Variants in ARFGEF3 observed in about 807,000 individuals in gnomAD.
ARFGEF3 encodes the protein brefeldin A-inhibited guanine nucleotide-exchange protein 3.
A neutral mutation model predicts 221.7 loss-of-function variants in ARFGEF3; 96 were observed. The ratio of observed to expected loss-of-function variants is 0.43; its 90% CI spans 0.37 to 0.51. The LOEUF (loss-of-function observed/expected upper bound fraction) is 0.51, where lower values mean the gene tolerates loss of function less well. Ranked by LOEUF, ARFGEF3 falls within the 20% of genes least tolerant of loss-of-function variation. The probability of loss-of-function intolerance (pLI) is 0.00; values close to 1 mark genes in which losing one functional copy is unlikely to be tolerated. For synonymous variants in ARFGEF3, 1,145 were observed against 1,126.8 expected (o/e 1.02, Z -0.32); for missense variants, 2,410 against 2,789.9 (o/e 0.86, Z 3.07).
intron 14 of ARFGEF3, among the ~76,000 whole-genome samples, chr6:138,284,212 T>C (rs1779245709): frequency 6.6e-6 from 1 of 151,960 alleles, no homozygotes; most frequent in Non-Finnish European, 1.5e-5. Flanking sequence ...GGCTGAGGTA[T>C]GAGAATCGCT....
chr6:138,328,076 C>A lies in ARFGEF3; in HGVS notation c.5057C>A (p.Ala1686Asp). Residue 1686 changes from alanine (A) to aspartate (D), a missense_variant, in exon 32 of 34, where the codon GCT becomes GAT. Ala to Asp is a moderately radical substitution (Grantham distance 126). Coordinates refer to ENST00000251691, the MANE Select transcript of ARFGEF3 (RefSeq NM_020340.5). The part of the protein sequence containing the change: ...SPKTPNNFDH[A>D]QSCQLIIELP... ...AAGACACCAAACAACTTTGACCACG[C>A]TCAGTCCTGCCAGCTCATTATTGAG... 1.3e-6 allele frequency: 2 copies of A among 1,567,516 alleles called. No individual in the cohort carries two copies. The highest frequency in any genetic ancestry group is 1.7e-6 in the Non-Finnish European group (2 of 1,154,826).
intron 12 of ARFGEF3, among the ~76,000 whole-genome samples, chr6:138,273,156 A>T (rs1434668117): frequency 6.6e-6 from 1 of 152,234 alleles, no homozygotes; most frequent in Non-Finnish European, 1.5e-5. Flanking sequence ...TTTCATACAC[A>T]CAAGGAAGTG....
intron 26 of ARFGEF3, 63 bp from the exon 27 acceptor site, chr6:138,317,188 T>C (rs2114674099): frequency 6.4e-7 from 1 of 1,573,640 alleles, no homozygotes; most frequent in African/African-American, 1.4e-5. Flanking sequence ...TTTAATTGGA[T>C]CTTGAGATGA....
At chr6:138,245,703 T>A in intron 8 of ARFGEF3, 112 bp downstream of exon 8, 1 of 829,038 alleles carries the variant, frequency 1.2e-6, no homozygotes, top group Non-Finnish European at 2.0e-6. Context: ...GGACAATAGT[T>A]TCCCCCCTCC....
chr6:138,303,890 A>G (rs1288433913), intron 22 of ARFGEF3, among the ~76,000 whole-genome samples: 1 of 143,946 alleles, frequency 6.9e-6, no homozygotes, highest in Non-Finnish European at 1.5e-5. Flanking sequence ...AAAAAAAAAG[A>G]TAATAGCAAG....
At chr6:138,218,452 T>C in intron 4 of ARFGEF3, 1 of 1,468,474 alleles carries the variant, frequency 6.8e-7, no homozygotes, top group Non-Finnish European at 9.0e-7. Flanking sequence ...ATTTTGTAAA[T>C]TATTATACAT....
chr6:138,325,357 C>T (rs1046966586), intron 31 of ARFGEF3, among the ~76,000 whole-genome samples: 2 of 152,176 alleles, frequency 1.3e-5, no homozygotes, highest in Non-Finnish European at 2.9e-5. Context: ...TGGGGCTTTT[C>T]CCAGCTGTCC....
At chr6:138,186,728 G>T (rs565553115) in intron 2 of ARFGEF3, among the ~76,000 whole-genome samples, 1 of 152,172 alleles carries the variant, frequency 6.6e-6, no homozygotes, top group East Asian at 1.9e-4. Context: ...AAGAGGTGCT[G>T]GAGATATCCC....
chr6:138,220,839 C>T (rs1265044681), intron 4 of ARFGEF3, among the ~76,000 whole-genome samples: 1 of 152,220 alleles, frequency 6.6e-6, no homozygotes, highest in East Asian at 1.9e-4. Context: ...TAGTAGATCT[C>T]ATCTTGACCA....
intron 1 of ARFGEF3, among the ~76,000 whole-genome samples, chr6:138,165,765 C>T (rs1047889957): frequency 5.3e-5 from 8 of 152,248 alleles, no homozygotes; most frequent in Middle Eastern, 3.4e-3. Flanking sequence ...GAGGGTCATC[C>T]GACTCTGAGA....
chr6:138,202,847 T>G (rs1224003998), intron 2 of ARFGEF3, among the ~76,000 whole-genome samples: 1 of 152,042 alleles, frequency 6.6e-6, no homozygotes, highest in Non-Finnish European at 1.5e-5. Context: ...TTTTATTTAC[T>G]ATAAAATTAT....
intron 12 of ARFGEF3, among the ~76,000 whole-genome samples, chr6:138,276,190 G>A (rs551057649): frequency 6.6e-6 from 1 of 152,328 alleles, no homozygotes; most frequent in East Asian, 1.9e-4. Flanking sequence ...GGACACAGAT[G>A]TGCAGTTGTC....
chr6:138,250,713 G>A (rs148995857), intron 8 of ARFGEF3, among the ~76,000 whole-genome samples: 32 of 152,342 alleles, frequency 2.1e-4, no homozygotes, highest in East Asian at 1.3e-3. Context: ...ACGCCTGAGC[G>A]TTGTTCTCCA....
At position 138,221,829 on chromosome 6, in the gene ARFGEF3, T is replaced by G. The variant is rs139628910; in HGVS notation, c.352-7955T>G. ...AAACCAATGAGGAATTTGAAAGATTTTCCACCTTGAGTATTTAGGAGCTCT... is the reference window on the plus strand; with the variant it reads ...AAACCAATGAGGAATTTGAAAGATTGTCCACCTTGAGTATTTAGGAGCTCT... On this transcript the variant is annotated intron_variant, in intron 4 of 33. Transcript: ENST00000251691. Among the ~76,000 whole-genome samples, 1,502 of 152,314 alleles carry G rather than the reference T, an allele frequency of 9.9e-3. 18 individuals carry two copies. The highest frequency in any genetic ancestry group is 0.048 in the Middle Eastern group (14 of 294).
At chr6:138,193,102 C>CT (rs1174611773) in intron 2 of ARFGEF3, among the ~76,000 whole-genome samples, 16 of 152,282 alleles carry the variant, frequency 1.1e-4, no homozygotes, top group Admixed American at 7.2e-4. Flanking sequence ...CTCAAAGCTC[C>CT]TTTGTGAAAT....
chr6:138,174,708 ATTGT>A (rs1025652584), intron 2 of ARFGEF3, among the ~76,000 whole-genome samples: 89 of 152,204 alleles, frequency 5.8e-4, no homozygotes, highest in African/African-American at 1.9e-3. Flanking sequence ...GATTTTTAAA[ATTGT>A]TTGTTTTGGA....
intron 4 of ARFGEF3, chr6:138,218,432 TAGA>T: frequency 6.7e-7 from 1 of 1,487,910 alleles, no homozygotes; most frequent in Non-Finnish European, 8.9e-7. Context: ...CTCTGTAGCA[TAGA>T]AGAATAATTT....
At chr6:138,294,553 G>A (rs749774722) in intron 20 of ARFGEF3, among the ~76,000 whole-genome samples, 3 of 152,156 alleles carry the variant, frequency 2.0e-5, no homozygotes, top group Admixed American at 6.5e-5. Context: ...TTCCAAAAGG[G>A]GTGGTGAAAG....
At position 138,209,834 on chromosome 6, in the gene ARFGEF3, A is replaced by G. The variant is rs1215358663; in HGVS notation, c.220-76A>G. 1.9e-6 allele frequency: 3 copies of G among 1,549,884 alleles called. No individual in the cohort carries two copies. The African/African-American group carries it at 4.1e-5, about 21-fold the overall frequency. Reference sequence around the variant, plus strand: ...TCCCCAGTAAGAAAACTGATCATCAATCCATAATAAGATACAACCAAATAA... The same window carrying G: ...TCCCCAGTAAGAAAACTGATCATCAGTCCATAATAAGATACAACCAAATAA... On this transcript the variant is annotated intron_variant, in intron 3 of 33. Transcript: ENST00000251691.
Sources: gnomAD v4.1 joint callset for allele counts (sites outside exome capture counted in the v4.1 genomes callset) on GRCh38, gnomAD v4.1.1 for gene constraint, MANE v1.5 for transcripts, NCBI Gene and HGNC (gene_info 2026-07-23, HGNC 2026-07-21) for gene names.